MSH4: variants seen among roughly 807,000 people sequenced by gnomAD.
MSH4 encodes the protein mutS homolog 4.
A neutral mutation model predicts 113.7 loss-of-function variants in MSH4; 106 were observed. The observed-to-expected ratio is 0.93, with a 90% confidence interval of 0.80 to 1.10. MSH4 has a LOEUF of 1.10. MSH4 is among the 50% of genes least tolerant of loss of function. MSH4 has a pLI of 0.00. For synonymous variants in MSH4, 368 were observed against 380.2 expected, an observed-to-expected ratio of 0.97 and a Z score of 0.37; for missense variants, 1,061 against 1,093.7, an observed-to-expected ratio of 0.97 and a Z score of 0.42.
At chr1:75,858,023 T>C (rs1215133616) in intron 8 of MSH4, among the ~76,000 whole-genome samples, 1 of 152,136 alleles carries the variant, frequency 6.6e-6, no homozygotes, top group African/African-American at 2.4e-5. Flanking sequence ...ATTCTCTTAG[T>C]AGCAATAGTG....
At chr1:75,881,128 A>G (rs1651922463) in intron 13 of MSH4, 118 bp from the exon 14 acceptor site, 2 of 776,364 alleles carry the variant, frequency 2.6e-6, no homozygotes, top group South Asian at 2.0e-5. Context: ...TCTATAGTGT[A>G]TAACTCAGAT....
chr1:75,902,180 A>T (rs891750279), intron 19 of MSH4, among the ~76,000 whole-genome samples: 1 of 152,000 alleles, frequency 6.6e-6, no homozygotes, highest in African/African-American at 2.4e-5. Flanking sequence ...GCAATAATAT[A>T]TCCACATTGC....
intron 9 of MSH4, among the ~76,000 whole-genome samples, chr1:75,874,530 C>A (rs1253017573): frequency 6.6e-6 from 1 of 152,136 alleles, no homozygotes; most frequent in Non-Finnish European, 1.5e-5. Context: ...CTATGTTACG[C>A]AGGCTGGTCT....
chr1:75,819,449 T>A (rs1045641990), intron 6 of MSH4, among the ~76,000 whole-genome samples: 8 of 152,174 alleles, frequency 5.3e-5, no homozygotes, highest in African/African-American at 1.9e-4. Flanking sequence ...TAGATAGTGC[T>A]GCTGTACTCC....
Position 75,883,722 on chromosome 1 carries a change from A to G in MSH4, c.2008A>G (p.Thr670Ala). ...ACCTATTGCCAACAATACCTATGTT[A>G]CAGAAGGGAGTAATTTTTTGATCAT... ...EKPIANNTYVTEGSNFLIITG... is the reference protein window; with the variant it reads ...EKPIANNTYVAEGSNFLIITG... Residue 670 changes from threonine to alanine, a missense_variant, in exon 15 of 20, where the codon ACA (threonine) becomes GCA (alanine). By Grantham distance (58) the Thr-to-Ala change is moderately conservative (BLOSUM62 0). Coordinates refer to ENST00000263187, the MANE Select transcript of MSH4 (RefSeq NM_002440.4). The G allele has an allele frequency of 6.2e-7, 1 of 1,613,464 alleles. No individual in the cohort carries two copies. The highest frequency in any genetic ancestry group is 8.5e-7 in the Non-Finnish European group (1 of 1,179,646).
chr1:75,840,500 C>G (rs2100539557), intron 7 of MSH4, among the ~76,000 whole-genome samples: 1 of 123,816 alleles, frequency 8.1e-6, no homozygotes, highest in African/African-American at 3.2e-5. Flanking sequence ...AGGGGAACAT[C>G]ACACTCTGGG....
intron 14 of MSH4, 138 bp downstream of exon 14, chr1:75,881,508 C>A: frequency 3.7e-6 from 3 of 814,610 alleles, no homozygotes; most frequent in Non-Finnish European, 3.5e-6. Context: ...GACTAAGACA[C>A]AAAATAAAGA....
Position 75,899,617 on chromosome 1 carries a change from G to A in MSH4, c.2531-1G>A. The A allele has an allele frequency of 3.4e-6, 5 of 1,479,122 alleles. No individual in the cohort carries two copies. The highest frequency in any genetic ancestry group is 4.5e-6 in the Non-Finnish European group (5 of 1,115,820). 91.6% of individuals were successfully genotyped at this position (1,479,122 alleles called of 1,614,324 possible). ...GCCAAATTTAAAACAAATAATTCTAGGATTAAAAGCTGCAGAGGTGTCATC... is the reference window on the plus strand; with the variant it reads ...GCCAAATTTAAAACAAATAATTCTAAGATTAAAAGCTGCAGAGGTGTCATC... On this transcript the variant is annotated splice_acceptor_variant, in intron 18 of 19. Coordinates refer to ENST00000263187, the MANE Select transcript of MSH4 (RefSeq NM_002440.4). LOFTEE classifies it high-confidence loss of function.
chr1:75,809,774 C>T (rs12727156), intron 3 of MSH4, among the ~76,000 whole-genome samples: 37,623 of 151,834 alleles, frequency 0.25, 6,154 homozygotes, highest in East Asian at 0.68. Context: ...CCTCAGCCTC[C>T]CAAGTAGCTG....
intron 7 of MSH4, among the ~76,000 whole-genome samples, chr1:75,845,140 T>G (rs1178402570): frequency 6.6e-6 from 1 of 152,238 alleles, no homozygotes; most frequent in African/African-American, 2.4e-5. Flanking sequence ...GCACTGAGAT[T>G]AAGTTTCTAA....
Position 75,912,846 on chromosome 1 carries a change from T to C in MSH4, c.2770T>C (p.Phe924Leu). The stretch of plus-strand genomic sequence containing the variant: ...CCTCAAGAAGAAGTACAAAGAAGAT[T>C]TTCCCAGGACTGAACAAGTTCCAGA... ...SNLKKKYKED[F>L]PRTEQVPEKT... is the part of the protein sequence containing the mutation. The change falls in exon 20 of 20, where the codon TTT becomes CTT. Residue 924 changes from phenylalanine to leucine, a missense_variant. Physicochemically the swap from Phe to Leu is conservative, Grantham distance 22 (BLOSUM62 0). Coordinates refer to ENST00000263187, the MANE Select transcript of MSH4 (RefSeq NM_002440.4). 2 of 1,577,492 alleles carry C rather than the reference T, an allele frequency of 1.3e-6. No homozygotes were observed. The highest frequency in any genetic ancestry group is 1.8e-5 in the Admixed American group (1 of 54,748).
chr1:75,828,030 C>T (rs1650595479), intron 7 of MSH4, among the ~76,000 whole-genome samples: 1 of 152,156 alleles, frequency 6.6e-6, no homozygotes, highest in African/African-American at 2.4e-5. Flanking sequence ...GAAAGACATA[C>T]AAGTGACCAA....
intron 8 of MSH4, among the ~76,000 whole-genome samples, chr1:75,862,464 T>G (rs1651479168): frequency 6.6e-6 from 1 of 152,236 alleles, no homozygotes; most frequent in African/African-American, 2.4e-5. Flanking sequence ...ACTTTAGTTT[T>G]GGGAGAATCA....
Position 75,881,253 on chromosome 1 carries a change from T to A in MSH4, c.1789T>A (p.Cys597Ser). Residue 597 changes from cysteine to serine, a missense_variant, in exon 14 of 20, where the codon TGC becomes AGC. Transcript: ENST00000263187. Reference protein sequence around the residue: ...EIYHMTYMIVCKLLSEIYEHI... With the variant: ...EIYHMTYMIVSKLLSEIYEHI... ...TACCAAACGTGTTTTCAGGATAGTG[T>A]GCAAACTGCTTAGTGAGATTTATGA... 1 of 1,603,370 alleles carries A rather than the reference T, an allele frequency of 6.2e-7. No homozygotes were observed. The highest frequency in any genetic ancestry group is 8.5e-7 in the Non-Finnish European group (1 of 1,172,290).
chr1:75,816,836 A>C (rs1327716945), intron 6 of MSH4, among the ~76,000 whole-genome samples: 1 of 152,168 alleles, frequency 6.6e-6, no homozygotes, highest in Non-Finnish European at 1.5e-5. Flanking sequence ...CATATTGGCC[A>C]GGCTGGTCTC....
intron 19 of MSH4, among the ~76,000 whole-genome samples, chr1:75,906,381 T>C (rs930732411): frequency 7.6e-6 from 1 of 131,518 alleles, no homozygotes; most frequent in African/African-American, 2.9e-5. Flanking sequence ...TTCTTCCTTT[T>C]TGATTAAGTA....
intron 1 of MSH4, among the ~76,000 whole-genome samples, chr1:75,798,650 G>T (rs1046814160): frequency 1.7e-4 from 26 of 150,372 alleles, no homozygotes; most frequent in African/African-American, 6.1e-4. Flanking sequence ...TCAAATTCCT[G>T]GGCTCAAGCG....
At chr1:75,858,044 C>T (rs1651358953) in intron 8 of MSH4, among the ~76,000 whole-genome samples, 1 of 152,112 alleles carries the variant, frequency 6.6e-6, no homozygotes, top group Admixed American at 6.6e-5. Context: ...AATGGGAGTT[C>T]ACTCATGATT....
chr1:75,823,586 T>G (rs1423022782), intron 7 of MSH4, among the ~76,000 whole-genome samples: 1 of 152,106 alleles, frequency 6.6e-6, no homozygotes, highest in Non-Finnish European at 1.5e-5. Context: ...TTTTAAGCCT[T>G]GCATGCATTG....
Sources: gnomAD v4.1 joint callset for allele counts (sites outside exome capture counted in the v4.1 genomes callset) on GRCh38, gnomAD v4.1.1 for gene constraint, MANE v1.5 for transcripts, NCBI Gene and HGNC (gene_info 2026-07-23, HGNC 2026-07-21) for gene names.